The following CHRM3 variants were observed in gnomAD, a reference collection of about 807,000 sequenced individuals.
The protein encoded by CHRM3 is muscarinic acetylcholine receptor M3.
Under a neutral mutation model 41.8 loss-of-function variants are expected in CHRM3, and 11 were observed. That is an observed-to-expected ratio of 0.26 (90% CI 0.17 to 0.44). The LOEUF (loss-of-function observed/expected upper bound fraction) is 0.44, where lower values mean the gene tolerates loss of function less well. Ranked by LOEUF, CHRM3 falls within the 20% of genes least tolerant of loss-of-function variation. The pLI is 1.00. For synonymous variants in CHRM3, 297 were observed against 301.4 expected, an observed-to-expected ratio of 0.99 and a Z score of 0.15; for missense variants, 571 against 745.4, an observed-to-expected ratio of 0.77 and a Z score of 2.72.
At chr1:239,526,723 T>G (rs2148299282) in intron 2 of CHRM3, among the ~76,000 whole-genome samples, 1 of 152,328 alleles carries the variant, frequency 6.6e-6, no homozygotes, top group Non-Finnish European at 1.5e-5. Context: ...TTCTTACATC[T>G]TATTTTCCTT....
intron 4 of CHRM3, among the ~76,000 whole-genome samples, chr1:239,645,271 G>A (rs962930796): frequency 6.6e-6 from 1 of 152,222 alleles, no homozygotes; most frequent in Non-Finnish European, 1.5e-5. Flanking sequence ...TAGTCTGAGG[G>A]TACTGGCTTC....
chr1:239,860,038 G>A (rs1173139462), intron 6 of CHRM3, among the ~76,000 whole-genome samples: 1 of 151,880 alleles, frequency 6.6e-6, no homozygotes, highest in African/African-American at 2.4e-5. Context: ...CCCGACAGTC[G>A]GCTGGTTGAA....
chr1:239,747,576 C>T (rs1665476285), intron 5 of CHRM3, among the ~76,000 whole-genome samples: 1 of 152,186 alleles, frequency 6.6e-6, no homozygotes, highest in South Asian at 2.1e-4. Flanking sequence ...CTTTCCCTAT[C>T]AAATCCCTAC....
intron 3 of CHRM3, among the ~76,000 whole-genome samples, chr1:239,618,731 C>T (rs1428627810): frequency 6.7e-6 from 1 of 149,222 alleles, no homozygotes; most frequent in Non-Finnish European, 1.5e-5. Flanking sequence ...GTAGTCCCAG[C>T]TACTTGGGAG....
chr1:239,713,251 A>C (rs1661995844), intron 5 of CHRM3, among the ~76,000 whole-genome samples: 2 of 152,182 alleles, frequency 1.3e-5, no homozygotes, highest in African/African-American at 2.4e-5. Flanking sequence ...TTTATTATCT[A>C]CACACCCTTA....
intron 2 of CHRM3, among the ~76,000 whole-genome samples, chr1:239,539,364 T>C (rs942118736): frequency 6.6e-6 from 1 of 152,200 alleles, no homozygotes; most frequent in African/African-American, 2.4e-5. Flanking sequence ...CCAGATGAGC[T>C]GTGAGCTGGA....
chr1:239,871,517 G>T (rs865980527), intron 6 of CHRM3, among the ~76,000 whole-genome samples: 1 of 152,140 alleles, frequency 6.6e-6, no homozygotes, highest in African/African-American at 2.4e-5. Context: ...TGGGATTACA[G>T]GCATGAGCCA....
intron 3 of CHRM3, among the ~76,000 whole-genome samples, chr1:239,615,921 T>A (rs949781457): frequency 6.6e-6 from 1 of 152,212 alleles, no homozygotes; most frequent in African/African-American, 2.4e-5. Context: ...AACATGACTT[T>A]GAAATCAGAG....
intron 3 of CHRM3, among the ~76,000 whole-genome samples, chr1:239,574,197 G>C (rs1662111382): frequency 6.6e-6 from 1 of 152,114 alleles, no homozygotes; most frequent in African/African-American, 2.4e-5. Flanking sequence ...CCTTGTAAAA[G>C]CTCAGCCAGA....
chr1:239,453,043 G>A (rs560273773), intron 1 of CHRM3, among the ~76,000 whole-genome samples: 2 of 152,070 alleles, frequency 1.3e-5, no homozygotes, highest in East Asian at 1.9e-4. Flanking sequence ...CTCGTGATCC[G>A]CCCGCCTCAG....
At chr1:239,439,475 T>C (rs898616741) in intron 1 of CHRM3, among the ~76,000 whole-genome samples, 2 of 152,046 alleles carry the variant, frequency 1.3e-5, no homozygotes, top group African/African-American at 4.8e-5. Context: ...TAGTGGACAA[T>C]ACCAGGACAA....
chr1:239,892,817 T>C (rs1179325081), intron 6 of CHRM3, among the ~76,000 whole-genome samples: 1 of 152,244 alleles, frequency 6.6e-6, no homozygotes, highest in Non-Finnish European at 1.5e-5. Context: ...AAGGACATAA[T>C]GTGCCAACAT....
At chr1:239,394,253 C>G (rs767653610) in intron 1 of CHRM3, among the ~76,000 whole-genome samples, 31 of 152,196 alleles carry the variant, frequency 2.0e-4, no homozygotes, top group Non-Finnish European at 4.1e-4. Context: ...CCTCTAAAGA[C>G]CCTAGGGGAG....
At chr1:239,893,391 G>T (rs1240844307) in intron 6 of CHRM3, among the ~76,000 whole-genome samples, 1 of 152,152 alleles carries the variant, frequency 6.6e-6, no homozygotes, top group East Asian at 1.9e-4. Context: ...GCTTGTTCAT[G>T]GAAGATCTGC....
At chr1:239,431,680 T>C (rs1250668813) in intron 1 of CHRM3, among the ~76,000 whole-genome samples, 1 of 152,198 alleles carries the variant, frequency 6.6e-6, no homozygotes, top group Non-Finnish European at 1.5e-5. Context: ...TTAGTGCTTA[T>C]TAAGTGCTAT....
intron 6 of CHRM3, among the ~76,000 whole-genome samples, chr1:239,867,877 C>T (rs1676250008): frequency 6.6e-6 from 1 of 152,148 alleles, no homozygotes; most frequent in Non-Finnish European, 1.5e-5. Context: ...ATGTAACTGG[C>T]AACAACCCCA....
chr1:239,754,693 T>G (rs1486404809), intron 5 of CHRM3, among the ~76,000 whole-genome samples: 1 of 152,202 alleles, frequency 6.6e-6, no homozygotes, highest in African/African-American at 2.4e-5. Flanking sequence ...ACTCACACTA[T>G]GGGGCTCAGG....
intron 1 of CHRM3, among the ~76,000 whole-genome samples, chr1:239,440,343 C>T (rs1243940251): frequency 1.3e-5 from 2 of 152,074 alleles, no homozygotes; most frequent in Non-Finnish European, 2.9e-5. Context: ...AGTCAAGAGG[C>T]CAGGTGCAGT....
At chr1:239,403,299 C>A (rs947621744) in intron 1 of CHRM3, among the ~76,000 whole-genome samples, 3 of 152,156 alleles carry the variant, frequency 2.0e-5, no homozygotes, top group Non-Finnish European at 4.4e-5. Flanking sequence ...ATCCCAAGGG[C>A]CTGCTTGGCA....
Sources: allele counts gnomAD v4.1 joint callset (sites outside exome capture counted in the v4.1 genomes callset), GRCh38; gene constraint gnomAD v4.1.1; transcripts MANE v1.5; gene names NCBI Gene and HGNC (gene_info 2026-07-23, HGNC 2026-07-21).